The following CSPP1 variants were observed in gnomAD, a reference collection of about 807,000 sequenced individuals.
CSPP1 encodes centrosome and spindle pole associated protein 1, also known as centrosome and spindle pole-associated protein 1.
In CSPP1, 126 loss-of-function variants were observed where a neutral mutation model predicts 164.4. The observed-to-expected ratio is 0.77, with a 90% CI of 0.66 to 0.89. The LOEUF (loss-of-function observed/expected upper bound fraction) is 0.89. Ranked by LOEUF, CSPP1 falls within the 40% of genes least tolerant of loss-of-function variation. The probability of loss-of-function intolerance (pLI) is 0.00; values close to 1 mark genes in which losing one functional copy is unlikely to be tolerated. For missense variants in CSPP1, 1,395 were observed against 1,449.8 expected, an observed-to-expected ratio of 0.96 and a Z score of 0.61; for synonymous variants, 472 against 476.7, an observed-to-expected ratio of 0.99 and a Z score of 0.13.
chr8:67,133,142 T>C (rs1821576282), intron 16 of CSPP1, among the ~76,000 whole-genome samples: 1 of 152,184 alleles, frequency 6.6e-6, no homozygotes, highest in African/African-American at 2.4e-5. Flanking sequence ...AGAGGTCTAT[T>C]TGATGTGTGT....
chr8:67,160,743 A>G (rs941627628), intron 21 of CSPP1, among the ~76,000 whole-genome samples: 1 of 151,510 alleles, frequency 6.6e-6, no homozygotes, highest in Admixed American at 6.6e-5. Flanking sequence ...TTGTGTCACC[A>G]TATTTTTTAT....
intron 1 of CSPP1, among the ~76,000 whole-genome samples, chr8:67,070,477 A>AAG (rs1052153057): frequency 1.3e-5 from 2 of 151,114 alleles, no homozygotes; most frequent in African/African-American, 4.9e-5. Flanking sequence ...AAAAAAAAAA[A>AAG]AAGCTGAAAT....
intron 24 of CSPP1, among the ~76,000 whole-genome samples, chr8:67,168,115 C>G (rs961610287): frequency 6.6e-6 from 1 of 151,898 alleles, no homozygotes; most frequent in Non-Finnish European, 1.5e-5. Context: ...GCCAACACAG[C>G]GAAACCCCGT....
chr8:67,109,982 T>C lies in CSPP1; in HGVS notation c.1094-1990T>C, dbSNP rs932518699. Among the ~76,000 whole-genome samples, 4 of 152,018 alleles carry C rather than the reference T, an allele frequency of 2.6e-5. 1 individual carries two copies. The highest frequency in any genetic ancestry group is 9.7e-5 in the African/African-American group (4 of 41,416). On this transcript the variant is annotated intron_variant, in intron 9 of 30. Coordinates refer to ENST00000678616, the MANE Select transcript of CSPP1 (RefSeq NM_001382391.1). ...GTCTTTAGGCAAGCAGAAATCGGCTTGTCTTGTTTGTATAACTGTGGGTTT... is the reference window on the plus strand; with the variant it reads ...GTCTTTAGGCAAGCAGAAATCGGCTCGTCTTGTTTGTATAACTGTGGGTTT...
In CSPP1 at chr8:67,118,230, ATCTTTCTTT is replaced by A. The variant is rs1425401895; in HGVS notation, c.1497-15_1497-7del. On this transcript the variant is annotated splice_polypyrimidine_tract_variant and intron_variant, in intron 13 of 30. Transcript: ENST00000678616. ...CAATGAAATATGAGAGGAATTTTTC[ATCTTTCTTT>A]TCATACAGGATTGCACCTCTGCCTC... is the stretch of plus-strand genomic sequence containing the variant. 1 of 1,608,158 alleles carries A rather than the reference ATCTTTCTTT, an allele frequency of 6.2e-7. No individual in the cohort carries two copies. The highest frequency in any genetic ancestry group is 8.5e-7 in the Non-Finnish European group (1 of 1,178,064).
At chr8:67,152,381 T>G (rs1442222101) in intron 18 of CSPP1, among the ~76,000 whole-genome samples, 1 of 152,204 alleles carries the variant, frequency 6.6e-6, no homozygotes, top group East Asian at 1.9e-4. Context: ...CTTTATAATG[T>G]TCATTATTTT....
chr8:67,175,194 G>T, intron 25 of CSPP1, 102 bp from the exon 26 acceptor site: 1 of 824,682 alleles, frequency 1.2e-6, no homozygotes, highest in South Asian at 1.7e-5. Context: ...TCATTTCCTT[G>T]ATTTTGAAAT....
At chr8:67,185,174 A>G (rs1407703002) in intron 28 of CSPP1, among the ~76,000 whole-genome samples, 1 of 151,944 alleles carries the variant, frequency 6.6e-6, no homozygotes, top group African/African-American at 2.4e-5. Context: ...GCCTGGTGTG[A>G]TTCCGTTCTG....
chr8:67,124,103 G>A (rs766042970), intron 15 of CSPP1, among the ~76,000 whole-genome samples: 10 of 149,882 alleles, frequency 6.7e-5, no homozygotes, highest in East Asian at 2.0e-4. Context: ...GTTTCACCGC[G>A]TTAGCCAGGA....
chr8:67,143,156 TCTC>T (rs1823837264), intron 17 of CSPP1, among the ~76,000 whole-genome samples: 1 of 152,096 alleles, frequency 6.6e-6, no homozygotes. Context: ...GTCTCTTTAG[TCTC>T]CTCCAATCTG....
intron 1 of CSPP1, 84 bp downstream of exon 1, chr8:67,064,622 T>C: frequency 8.9e-7 from 1 of 1,117,556 alleles, no homozygotes; most frequent in Non-Finnish European, 1.1e-6. Flanking sequence ...GGGCAGTGGC[T>C]CCCTCGGGGC....
At position 67,194,984 on chromosome 8, in the gene CSPP1, TAAAA is replaced by T. The variant is rs536803405; in HGVS notation, c.3470-396_3470-393del. Among the ~76,000 whole-genome samples the T allele has an allele frequency of 1.7e-3, 264 of 152,100 alleles. 2 individuals are homozygous for T. The highest frequency in any genetic ancestry group is 6.2e-3 in the African/African-American group (256 of 41,504). ...TCCCCAAACCTTGCTTTAAAAAAAATAAAAAGAAAAAAGAAAGAAATTTTATGTG... is the reference window on the plus strand; with the variant it reads ...TCCCCAAACCTTGCTTTAAAAAAAATAGAAAAAAGAAAGAAATTTTATGTG... On this transcript the variant is annotated intron_variant, in intron 30 of 30. Coordinates refer to ENST00000678616, the MANE Select transcript of CSPP1 (RefSeq NM_001382391.1).
chr8:67,195,387 G>GA lies in CSPP1; in HGVS notation c.3476dup (p.Ser1160GlufsTer5), dbSNP rs1192259276. The GA allele has an allele frequency of 6.2e-7, 1 of 1,613,270 alleles. No individual in the cohort carries two copies. On this transcript the variant is annotated frameshift_variant, in exon 31 of 31. Transcript: ENST00000678616. LOFTEE classifies it high-confidence loss of function. ...GTGTCCCTTGCCTCCTGTAGATGAT[G>GA]AGAGTTCACTGGTTGACCCTGATGA... is the stretch of plus-strand genomic sequence containing the variant.
Position 67,095,612 on chromosome 8 carries a change from T to A in CSPP1, c.803T>A (p.Val268Asp), listed in dbSNP as rs1812585066. The A allele has an allele frequency of 6.2e-7, 1 of 1,613,682 alleles. No homozygotes were observed. Among genetic ancestry groups the A allele is most frequent in the Non-Finnish European group, 8.5e-7 (1 of 1,179,742 alleles). ...TTTCACAGATTTAATGAGGATCGTG[T>A]TTTTGATAGACGGTATCATAGACCA... Reference protein sequence around the residue: ...RRFHRFNEDRVFDRRYHRPDQ... With the variant: ...RRFHRFNEDRDFDRRYHRPDQ... The change falls in exon 7 of 31, where the codon GTT becomes GAT. Residue 268 changes from valine (V) to aspartate (D), a missense_variant. Physicochemically the swap from Val to Asp is radical, Grantham distance 152. Coordinates refer to ENST00000678616, the MANE Select transcript of CSPP1 (RefSeq NM_001382391.1).
intron 12 of CSPP1, chr8:67,115,183 A>G (rs1817678695): frequency 6.6e-6 from 1 of 152,228 alleles, no homozygotes; most frequent in Non-Finnish European, 1.5e-5. Flanking sequence ...GCATTTGCTG[A>G]CCCTGTTTTA....
intron 8 of CSPP1, among the ~76,000 whole-genome samples, chr8:67,103,454 A>C (rs1814585967): frequency 1.3e-5 from 2 of 152,136 alleles, no homozygotes; most frequent in African/African-American, 4.8e-5. Flanking sequence ...ACTAAAAATC[A>C]ACTTAAAATA....
chr8:67,148,448 T>G (rs1825053387), intron 17 of CSPP1, among the ~76,000 whole-genome samples: 2 of 152,192 alleles, frequency 1.3e-5, no homozygotes, highest in South Asian at 2.1e-4. Flanking sequence ...CCACTTGGAG[T>G]GCTTTCTCAC....
intron 24 of CSPP1, among the ~76,000 whole-genome samples, chr8:67,167,735 G>A (rs1170927969): frequency 2.0e-5 from 3 of 151,240 alleles, no homozygotes; most frequent in African/African-American, 4.9e-5. Flanking sequence ...CATCTCAGAC[G>A]ATGGGCAGCC....
intron 28 of CSPP1, among the ~76,000 whole-genome samples, 190 bp downstream of exon 28, chr8:67,180,116 G>A (rs1454503315): frequency 6.6e-6 from 1 of 151,876 alleles, no homozygotes; most frequent in Non-Finnish European, 1.5e-5. Flanking sequence ...AACTTTAAAA[G>A]TCTTAGGAAT....
Sources: allele counts gnomAD v4.1 joint callset (sites outside exome capture counted in the v4.1 genomes callset), GRCh38; gene constraint gnomAD v4.1.1; transcripts MANE v1.5; gene names NCBI Gene and HGNC (gene_info 2026-07-23, HGNC 2026-07-21).